Variants in LIPA observed in about 807,000 individuals in gnomAD.
LIPA encodes the protein lipase A, lysosomal acid type, also known as lysosomal acid lipase/cholesteryl ester hydrolase.
Under a neutral mutation model 40.6 loss-of-function variants are expected in LIPA, and 26 were observed. The observed-to-expected ratio is 0.64, with a 90% CI of 0.47 to 0.89. The LOEUF is 0.89. Among genes scored for constraint, LIPA ranks in the 40% least tolerant of loss-of-function variants. The pLI is 0.00. For synonymous variants in LIPA, 188 were observed against 168.4 expected, an observed-to-expected ratio of 1.12 and a Z score of -0.90; for missense variants, 455 against 479.6, an observed-to-expected ratio of 0.95 and a Z score of 0.48.
At chr10:89,313,455 G>A (rs1358215160) in intron 1 of LIPA, among the ~76,000 whole-genome samples, 3 of 152,116 alleles carry the variant, frequency 2.0e-5, no homozygotes, top group Admixed American at 6.5e-5. Context: ...ATGTAAAATG[G>A]TGCAGCCACT....
intron 1 of LIPA, among the ~76,000 whole-genome samples, chr10:89,320,221 A>G (rs1363483507): frequency 1.3e-5 from 2 of 152,224 alleles, no homozygotes; most frequent in Admixed American, 6.5e-5. Context: ...TGGCCAGGGC[A>G]ATCAGGCAGG....
intron 1 of LIPA, chr10:89,338,244 G>A (rs146727551): frequency 4.6e-4 from 75 of 164,016 alleles, no homozygotes; most frequent in Middle Eastern, 3.4e-3. Flanking sequence ...GCAAGCTGGA[G>A]ACCAAGGAAA....
chr10:89,222,526 C>T lies in LIPA; in HGVS notation c.879G>A (p.Met293Ile). ...HSPAGTSVQN[M>I]LHWSQAVKFQ... ...GAATGCCTACCTGGCTCCAGTGTAA[C>T]ATGTTTTGCACAGAAGTTCCAGCAG... is the stretch of plus-strand genomic sequence containing the variant. Residue 293 changes from methionine to isoleucine, a missense_variant, in exon 8 of 10, where the codon ATG (methionine) becomes ATA (isoleucine). Met to Ile is a conservative substitution (Grantham distance 10). Coordinates refer to ENST00000336233, the MANE Select transcript of LIPA (RefSeq NM_000235.4). 2 of 1,609,774 alleles carry T rather than the reference C, an allele frequency of 1.2e-6. No individual in the cohort carries two copies. Among genetic ancestry groups the T allele is most frequent in the Non-Finnish European group, 1.7e-6 (2 of 1,175,996 alleles).
chr10:89,374,945 A>C (rs1199235201), intron 2 of LIPA, among the ~76,000 whole-genome samples: 1 of 152,182 alleles, frequency 6.6e-6, no homozygotes, highest in South Asian at 2.1e-4. Context: ...AGCTCAGAAC[A>C]GGACACCCCT....
chr10:89,328,833 T>C (rs984244245), intron 1 of LIPA, among the ~76,000 whole-genome samples: 2 of 152,176 alleles, frequency 1.3e-5, no homozygotes, highest in African/African-American at 4.8e-5. Context: ...AGATCAGTGG[T>C]TGCCTGGAGA....
chr10:89,289,851 T>C (rs1395392894), intron 1 of LIPA, among the ~76,000 whole-genome samples: 1 of 152,020 alleles, frequency 6.6e-6, no homozygotes, highest in East Asian at 1.9e-4. Context: ...ACCCTCTACC[T>C]CTCCCCAGCT....
At chr10:89,379,787 C>A (rs1049759236) in intron 2 of LIPA, among the ~76,000 whole-genome samples, 11 of 152,134 alleles carry the variant, frequency 7.2e-5, no homozygotes, top group Non-Finnish European at 1.5e-4. Flanking sequence ...GTAATCCCAG[C>A]ACTTTGGGAG....
chr10:89,231,875 G>A (rs1184736573), intron 3 of LIPA, among the ~76,000 whole-genome samples: 1 of 152,128 alleles, frequency 6.6e-6, no homozygotes, highest in Non-Finnish European at 1.5e-5. Flanking sequence ...CAAGATTAGG[G>A]CTGCTTTATG....
At chr10:89,329,502 T>G (rs758432053) in intron 1 of LIPA, among the ~76,000 whole-genome samples, 1 of 152,042 alleles carries the variant, frequency 6.6e-6, no homozygotes, top group African/African-American at 2.4e-5. Flanking sequence ...CAGGTTCACA[T>G]CAAGGTGCTC....
intron 2 of LIPA, among the ~76,000 whole-genome samples, chr10:89,377,042 CA>C (rs1323700324): frequency 2.0e-5 from 3 of 152,188 alleles, no homozygotes; most frequent in African/African-American, 4.8e-5. Context: ...ACTACCCCTA[CA>C]AAACCAAGAT....
chr10:89,319,852 CA>C (rs1229233316), intron 1 of LIPA, among the ~76,000 whole-genome samples: 1 of 152,204 alleles, frequency 6.6e-6, no homozygotes, highest in East Asian at 1.9e-4. Context: ...AGCAGCACAT[CA>C]AAAAGCTTAT....
intron 1 of LIPA, among the ~76,000 whole-genome samples, chr10:89,268,879 G>A (rs937988569): frequency 5.9e-5 from 9 of 151,788 alleles, no homozygotes; most frequent in Admixed American, 2.6e-4. Context: ...CCAGCTACTC[G>A]GGAGGCTGAG....
chr10:89,307,201 G>A (rs1316316073), intron 1 of LIPA: 11 of 1,613,830 alleles, frequency 6.8e-6, no homozygotes, highest in Non-Finnish European at 8.5e-6. Context: ...AAGACAAACT[G>A]CAAAAAATTG....
chr10:89,246,854 A>G (rs1843031188), intron 2 of LIPA, among the ~76,000 whole-genome samples: 1 of 152,128 alleles, frequency 6.6e-6, no homozygotes, highest in Admixed American at 6.5e-5. Context: ...CTTAATCACA[A>G]CCTTTGTTCA....
Position 89,400,206 on chromosome 10 carries a change from G to A in LIPA, c.61+12585C>T, listed in dbSNP as rs574244957. On this transcript the variant is annotated intron_variant, in intron 2 of 8. Coordinates refer to the LIPA transcript ENST00000371837. ...GTGTAGTAAGTTTTGAAATCAGAAT[G>A]TGTGAGACATCCAACTTTGTTCTTC... Among the ~76,000 whole-genome samples the A allele has an allele frequency of 1.5e-4, 23 of 152,310 alleles. No individual in the cohort carries two copies. In the South Asian group the frequency reaches 4.3e-3, roughly 29 times the overall value.
chr10:89,377,841 C>T (rs1844133518), intron 2 of LIPA, among the ~76,000 whole-genome samples: 1 of 152,238 alleles, frequency 6.6e-6, no homozygotes, highest in Non-Finnish European at 1.5e-5. Flanking sequence ...TCCTACACCA[C>T]ATTGACTCCA....
At chr10:89,282,059 C>T (rs1388544416) in intron 1 of LIPA, among the ~76,000 whole-genome samples, 1 of 152,156 alleles carries the variant, frequency 6.6e-6, no homozygotes, top group Admixed American at 6.5e-5. Context: ...CTTCTCATTC[C>T]ACAGAGATGG....
chr10:89,318,911 A>G (rs889356838), intron 1 of LIPA, among the ~76,000 whole-genome samples: 23 of 152,188 alleles, frequency 1.5e-4, no homozygotes, highest in Non-Finnish European at 2.4e-4. Flanking sequence ...TAAGAAACTC[A>G]CTCAAAACTG....
intron 2 of LIPA, among the ~76,000 whole-genome samples, chr10:89,388,384 G>A (rs989731973): frequency 6.6e-6 from 1 of 152,182 alleles, no homozygotes; most frequent in African/African-American, 2.4e-5. Context: ...GGGATTACAG[G>A]TGTGAATCAC....
Sources: allele counts gnomAD v4.1 joint callset (sites outside exome capture counted in the v4.1 genomes callset), GRCh38; gene constraint gnomAD v4.1.1; transcripts MANE v1.5; gene names NCBI Gene and HGNC (gene_info 2026-07-23, HGNC 2026-07-21).